Variants in SPEG observed in about 807,000 individuals in gnomAD.
The protein encoded by SPEG is striated muscle preferentially expressed protein kinase.
Under a neutral mutation model 300.4 loss-of-function variants are expected in SPEG, and 114 were observed. That is an observed-to-expected ratio of 0.38 (90% CI 0.33 to 0.44). The LOEUF is 0.44. Among genes scored for constraint, SPEG ranks in the 20% least tolerant of loss-of-function variants. The pLI is 1.00. For synonymous variants in SPEG, 1,964 were observed against 2,018.9 expected, an observed-to-expected ratio of 0.97 and a Z score of 0.73; for missense variants, 4,201 against 4,586.2, an observed-to-expected ratio of 0.92 and a Z score of 2.43.
rs1692876903 is a variant in SPEG at position 219,481,864 on chromosome 2, G to GA, written c.5565+187dup. ...TTATTAGTCCCATTTTGTTGACAAG[G>GA]AAACAGGCTCTAATCAGTGATGGAG... On this transcript the variant is annotated intron_variant, in intron 28 of 40. Transcript: ENST00000312358. This position sits in a 1 kb window ranked among gnomAD's most constrained non-coding sequence, Gnocchi z 5.4. Among the ~76,000 whole-genome samples the GA allele has an allele frequency of 6.6e-6, 1 of 152,218 alleles. No homozygotes were observed. Among genetic ancestry groups the GA allele is most frequent in the Non-Finnish European group, 1.5e-5 (1 of 68,032 alleles).
In SPEG at chr2:219,477,779, T is replaced by C; in HGVS notation, c.4820T>C (p.Ile1607Thr). 6.2e-7 allele frequency: 1 copy of C among 1,606,750 alleles called. No homozygotes were observed. Among genetic ancestry groups the C allele is most frequent in the Non-Finnish European group, 8.5e-7 (1 of 1,175,552 alleles). Residue 1607 changes from isoleucine (I) to threonine (T), a missense_variant, in exon 21 of 41, where the codon ATC (isoleucine) becomes ACC (threonine). Coordinates refer to ENST00000312358, the MANE Select transcript of SPEG (RefSeq NM_005876.5). This position sits in a 1 kb window ranked among gnomAD's most constrained non-coding sequence, Gnocchi z 6.4. ...LSDFYDIHQEIGRGAFSYLRR... is the reference protein window; with the variant it reads ...LSDFYDIHQETGRGAFSYLRR... ...GACTTTTATGACATCCACCAGGAGA[T>C]CGGCAGGTGTGGGGCTAGGAGGGAA...
chr2:219,462,183 A>G, intron 7 of SPEG, 115 bp from the exon 8 acceptor site: 1 of 1,188,826 alleles, frequency 8.4e-7, no homozygotes, highest in South Asian at 1.5e-5. Context: ...AAACCCTCTT[A>G]CCCAGAGCCA....
Position 219,434,991 on chromosome 2 carries a change from G to T in SPEG, c.14G>T (p.Arg5Leu), listed in dbSNP as rs576016632. Residue 5 changes from arginine (R) to leucine (L), a missense_variant, in exon 1 of 41, where the codon CGG (arginine) becomes CTG (leucine). Transcript: ENST00000312358. The stretch of plus-strand genomic sequence containing the variant: ...CTCTCAGTGGCCATGCAGAAAGCCC[G>T]GGGCACGCGAGGCGAGGATGCGGGC... MQKA[R>L]GTRGEDAGTR... is the part of the protein sequence containing the mutation. The T allele has an allele frequency of 1.2e-5, 18 of 1,505,746 alleles. 1 individual carries two copies. In the Admixed American group the frequency reaches 3.5e-4, roughly 29 times the overall value. 93.3% of individuals were successfully genotyped at this position (1,505,746 alleles called of 1,614,324 possible).
At position 219,483,081 on chromosome 2, in the gene SPEG, C is replaced by T; in HGVS notation, c.5635-17C>T. ...CCCAGGGGTCCCTCAGGTCTGACTC[C>T]AGTACCCTGTCTCCAGCGCTCCCAG... On this transcript the variant is annotated splice_polypyrimidine_tract_variant and intron_variant, in intron 29 of 40. Coordinates refer to ENST00000312358, the MANE Select transcript of SPEG (RefSeq NM_005876.5). The T allele has an allele frequency of 1.3e-6, 2 of 1,599,542 alleles. No individual in the cohort carries two copies. Among genetic ancestry groups the T allele is most frequent in the Non-Finnish European group, 1.7e-6 (2 of 1,176,094 alleles).
rs1243769733 is a variant in SPEG at position 219,481,505 on chromosome 2, C to T, written c.5522+49C>T. ...CCCACCTGCAGGGTCACCCTCATAC[C>T]ACCTGCCTGCTACTCCCAAACTCCT... On this transcript the variant is annotated intron_variant, in intron 27 of 40. Coordinates refer to ENST00000312358, the MANE Select transcript of SPEG (RefSeq NM_005876.5). The surrounding 1 kb of genome is among the most constrained non-coding windows in gnomAD (Gnocchi z 5.4). 1.2e-6 allele frequency: 2 copies of T among 1,608,154 alleles called. No homozygotes were observed. Among genetic ancestry groups the T allele is most frequent in the African/African-American group, 2.7e-5 (2 of 74,808 alleles).
rs368441604 is a variant in SPEG at position 219,471,914 on chromosome 2, C to T, written c.3762C>T (p.His1254=). The T allele has an allele frequency of 2.4e-5, 39 of 1,614,034 alleles. No individual in the cohort carries two copies. In the African/African-American group the frequency reaches 3.7e-4, roughly 15 times the overall value. The change falls in exon 14 of 41, where the codon CAC becomes CAT. Residue 1254 remains histidine, a synonymous_variant. Coordinates refer to ENST00000312358, the MANE Select transcript of SPEG (RefSeq NM_005876.5). ...TGTTCCCTGCCGTGGGGCCTCAGCA[C>T]GCCGGTGTCTACAAGAGCGTCATTG... ...RLVFPAVGPQ[H]AGVYKSVIAN... is the part of the protein sequence containing the mutation.
In SPEG at chr2:219,469,149, C is replaced by G; in HGVS notation, c.3492-7C>G. On this transcript the variant is annotated splice_region_variant and splice_polypyrimidine_tract_variant and intron_variant, in intron 12 of 40. Transcript: ENST00000312358. ...CTGGGCCTGTGGGCAGCTGTGTGGTCTTGCAGCTCGAAGCTGGAGAAGATG... is the reference window on the plus strand; with the variant it reads ...CTGGGCCTGTGGGCAGCTGTGTGGTGTTGCAGCTCGAAGCTGGAGAAGATG... 6.2e-7 allele frequency: 1 copy of G among 1,613,556 alleles called. No homozygotes were observed. Among genetic ancestry groups the G allele is most frequent in the Non-Finnish European group, 8.5e-7 (1 of 1,179,866 alleles).
Position 219,479,013 on chromosome 2 carries a change from G to C in SPEG, c.5028-131G>C. 1.3e-6 allele frequency: 1 copy of C among 750,126 alleles called. No individual in the cohort carries two copies. The highest frequency in any genetic ancestry group is 2.3e-6 in the Non-Finnish European group (1 of 436,526). The allele number at this position is 750,126 out of a possible 1,614,324, so 46.5% of individuals were successfully genotyped here. On this transcript the variant is annotated intron_variant, in intron 22 of 40. Coordinates refer to ENST00000312358, the MANE Select transcript of SPEG (RefSeq NM_005876.5). The surrounding 1 kb of genome is among the most constrained non-coding windows in gnomAD (Gnocchi z 5.5). ...GGGGTACACGTGGAGGAGCGGAGAG[G>C]CAGTCTCTGGCTAGTATCAAGCATT...
chr2:219,463,715 AT>A (rs113667360), intron 8 of SPEG, among the ~76,000 whole-genome samples: 38 of 147,296 alleles, frequency 2.6e-4, no homozygotes, highest in African/African-American at 2.7e-4. Context: ...CCCCACTGTG[AT>A]TTTTTTTTTT....
At chr2:219,482,496 G>A in intron 28 of SPEG, 1 of 426,550 alleles carries the variant, frequency 2.3e-6, no homozygotes, top group Non-Finnish European at 4.3e-6. Flanking sequence ...TGGTTTACCA[G>A]GACAGGGCCA....
chr2:219,438,369 C>G (rs1323887387), intron 1 of SPEG, among the ~76,000 whole-genome samples: 1 of 152,122 alleles, frequency 6.6e-6, no homozygotes, highest in Non-Finnish European at 1.5e-5. Flanking sequence ...GTGCCAGAGC[C>G]AGGTCTGAAA....
Position 219,443,213 on chromosome 2 carries a change from C to T in SPEG, c.389-1440C>T. 7 of 1,497,166 alleles carry T rather than the reference C, an allele frequency of 4.7e-6. No homozygotes were observed. Among genetic ancestry groups the T allele is most frequent in the Non-Finnish European group, 5.6e-6 (6 of 1,074,318 alleles). The allele number at this position is 1,497,166 out of a possible 1,614,324, so 92.7% of individuals were successfully genotyped here. A position where few individuals can be genotyped will look rare whatever the true frequency, so the allele number is the denominator to read the frequency against. ...CTACTCCTCCTCTTGGTCCCTGTCC[C>T]TCTGTGAGGCATCGAGTTCCTGAAG... On this transcript the variant is annotated intron_variant, in intron 1 of 40. Transcript: ENST00000312358. The surrounding 1 kb of genome is among the most constrained non-coding windows in gnomAD (Gnocchi z 4.6).
chr2:219,467,207 C>T lies in SPEG; in HGVS notation c.2915C>T (p.Ala972Val). The change falls in exon 10 of 41, where the codon GCC becomes GTC. Residue 972 changes from alanine (A) to valine (V), a missense_variant. Coordinates refer to ENST00000312358, the MANE Select transcript of SPEG (RefSeq NM_005876.5). ...GAAAGCCGGTCCCTGGCCGTGCTGG[C>T]CCCCCTGCAGGACGTGGACGTGGGG... Reference protein sequence around the residue: ...HPESRSLAVLAPLQDVDVGAG... With the variant: ...HPESRSLAVLVPLQDVDVGAG... 1 of 1,591,164 alleles carries T rather than the reference C, an allele frequency of 6.3e-7. No individual in the cohort carries two copies. The highest frequency in any genetic ancestry group is 8.5e-7 in the Non-Finnish European group (1 of 1,169,742).
At chr2:219,461,232 A>T in intron 6 of SPEG, 3 of 986,190 alleles carry the variant, frequency 3.0e-6, no homozygotes, top group Non-Finnish European at 3.6e-6. Context: ...TTTTTGGTGG[A>T]TGACTCCAGC....
chr2:219,480,208 C>T lies in SPEG; in HGVS notation c.5342+68C>T, dbSNP rs916970714. 2.6e-6 allele frequency: 4 copies of T among 1,527,486 alleles called. No homozygotes were observed. The African/African-American group carries it at 4.1e-5, about 16-fold the overall frequency. 94.6% of individuals were successfully genotyped at this position (1,527,486 alleles called of 1,614,324 possible). On this transcript the variant is annotated intron_variant, in intron 25 of 40. Transcript: ENST00000312358. This position sits in a 1 kb window ranked among gnomAD's most constrained non-coding sequence, Gnocchi z 5.3. ...CTTGGGGCTGTGCTGGGGACGCGCT[C>T]ACTGGCAGGGAGATTTACCGAGCCT...
rs1689146088 is a variant in SPEG, at chr2:219,444,602, T to C, written c.389-51T>C. ...GGAGGCAGAAGGCAATAGGGAAGAG[T>C]TGGAGGCAGAGGGAGGAGGGCCCTG... On this transcript the variant is annotated intron_variant, in intron 1 of 40. Coordinates refer to ENST00000312358, the MANE Select transcript of SPEG (RefSeq NM_005876.5). This position sits in a 1 kb window ranked among gnomAD's most constrained non-coding sequence, Gnocchi z 7.8. The C allele has an allele frequency of 2.0e-6, 3 of 1,505,230 alleles. No homozygotes were observed. Among genetic ancestry groups the C allele is most frequent in the East Asian group, 4.5e-5 (2 of 44,064 alleles). 93.2% of individuals were successfully genotyped at this position (1,505,230 alleles called of 1,614,324 possible).
chr2:219,467,456 G>A, intron 10 of SPEG, 22 bp downstream of exon 10: 1 of 1,581,128 alleles, frequency 6.3e-7, no homozygotes, highest in Non-Finnish European at 8.6e-7. Context: ...CTCAGGCATT[G>A]GGCTGCCGTG....
chr2:219,442,946 C>T (rs1689034900), intron 1 of SPEG, among the ~76,000 whole-genome samples: 1 of 152,118 alleles, frequency 6.6e-6, no homozygotes, highest in Non-Finnish European at 1.5e-5. Flanking sequence ...TCATTCCCTA[C>T]AGGGGAAGCT....
At position 219,448,804 on chromosome 2, in the gene SPEG, G is replaced by C; in HGVS notation, c.1646G>C (p.Ser549Thr). 1 of 1,402,372 alleles carries C rather than the reference G, an allele frequency of 7.1e-7. No homozygotes were observed. The highest frequency in any genetic ancestry group is 9.2e-7 in the Non-Finnish European group (1 of 1,086,444). The allele number at this position is 1,402,372 out of a possible 1,614,324, so 86.9% of individuals were successfully genotyped here. A position where few individuals can be genotyped will look rare whatever the true frequency, so the allele number is the denominator to read the frequency against. Residue 549 changes from serine (S) to threonine (T), a missense_variant, in exon 4 of 41, where the codon AGC becomes ACC. Around this residue, in one of 4 missense-constraint regions of SPEG, gnomAD observed 1,258 missense variants for 1,293.9 expected, o/e 0.97. Coordinates refer to ENST00000312358, the MANE Select transcript of SPEG (RefSeq NM_005876.5). ...ACCCCCAAGACATCGCGGGCCGTGAGCCCCGCCGCCGCCCAGCCGCCCTCT... is the reference window on the plus strand; with the variant it reads ...ACCCCCAAGACATCGCGGGCCGTGACCCCCGCCGCCGCCCAGCCGCCCTCT... ...PSTPKTSRAV[S>T]PAAAQPPSPS...
Sources: allele counts gnomAD v4.1 joint callset (sites outside exome capture counted in the v4.1 genomes callset), GRCh38; gene constraint gnomAD v4.1.1; regional missense constraint gnomAD v4.1.1; non-coding constraint Gnocchi (gnomAD v3.1); transcripts MANE v1.5; gene names NCBI Gene and HGNC (gene_info 2026-07-23, HGNC 2026-07-21).